GABRA2: variants seen among roughly 807,000 people sequenced by gnomAD.
GABRA2 encodes gamma-aminobutyric acid receptor subunit alpha-2.
GABRA2 carries 16 observed loss-of-function variants against 48.7 expected under a neutral mutation model. That is an observed-to-expected ratio of 0.33 (90% confidence interval 0.22 to 0.50). GABRA2 has a LOEUF of 0.50. GABRA2 is among the 20% of genes least tolerant of loss of function. GABRA2 has a pLI of 0.98. For missense variants in GABRA2, 275 were observed against 535.6 expected (o/e 0.51, Z 4.80); for synonymous variants, 185 against 184.5 (o/e 1.00, Z -0.02).
At chr4:46,388,494 C>T (rs991204452) in intron 2 of GABRA2, 142 bp downstream of exon 2, 2 of 949,406 alleles carry the variant, frequency 2.1e-6, no homozygotes, top group East Asian at 4.9e-5. Context: ...CAGTCTATTA[C>T]TTCATAGTTC....
At chr4:46,276,633 C>A (rs540273521) in intron 8 of GABRA2, among the ~76,000 whole-genome samples, 120 of 150,228 alleles carry the variant, frequency 8.0e-4, no homozygotes, top group Non-Finnish European at 5.6e-4. Context: ...AGTTTGATGT[C>A]ATAATGATGT....
intron 3 of GABRA2, 129 bp downstream of exon 3, chr4:46,385,945 T>A (rs1717389156): frequency 1.6e-6 from 1 of 612,890 alleles, no homozygotes; most frequent in African/African-American, 1.9e-5. Context: ...TATATCTTAC[T>A]TTCTATTTTC....
rs1715456606 is a variant in GABRA2, at chr4:46,374,885, C to T, written c.187+11189G>A. Among the ~76,000 whole-genome samples the T allele has an allele frequency of 2.0e-5, 3 of 151,710 alleles. No homozygotes were observed. In the South Asian group the frequency reaches 6.3e-4, roughly 32 times the overall value. On this transcript the variant is annotated intron_variant, in intron 3 of 9. Coordinates refer to ENST00000381620, the MANE Select transcript of GABRA2 (RefSeq NM_000807.4). Reference sequence around the variant, plus strand: ...TCCCTGAAACATTTTGCATTCACCCCCCTAATAAGTTTGTGACAATCTGAA... The same window carrying T: ...TCCCTGAAACATTTTGCATTCACCCTCCTAATAAGTTTGTGACAATCTGAA...
intron 4 of GABRA2, among the ~76,000 whole-genome samples, chr4:46,326,581 T>C (rs1191950290): frequency 2.0e-5 from 3 of 151,476 alleles, no homozygotes; most frequent in African/African-American, 7.3e-5. Context: ...CCACATTTGC[T>C]CCTTCTCAGT....
At chr4:46,356,981 GTTT>G (rs141407741) in intron 3 of GABRA2, among the ~76,000 whole-genome samples, 9 of 146,260 alleles carry the variant, frequency 6.2e-5, no homozygotes, top group Non-Finnish European at 1.4e-4. Context: ...TTCTGGGTTT[GTTT>G]TTTTTTTGTT....
intron 8 of GABRA2, among the ~76,000 whole-genome samples, chr4:46,296,662 AAAAAAG>A (rs1354436747): frequency 9.9e-5 from 15 of 151,236 alleles, no homozygotes; most frequent in African/African-American, 3.6e-4. Flanking sequence ...GGGGGAAAAA[AAAAAAG>A]AAAAAAAAAA....
At chr4:46,331,219 GT>G (rs1194742863) in intron 4 of GABRA2, among the ~76,000 whole-genome samples, 2 of 152,138 alleles carry the variant, frequency 1.3e-5, no homozygotes, top group Non-Finnish European at 2.9e-5. Context: ...TGACATTCCT[GT>G]TTCAAATAAT....
At chr4:46,318,555 T>C (rs1728925832) in intron 4 of GABRA2, among the ~76,000 whole-genome samples, 1 of 151,696 alleles carries the variant, frequency 6.6e-6, no homozygotes, top group Non-Finnish European at 1.5e-5. Flanking sequence ...GAAAAGTGCA[T>C]TTAAAATTAA....
intron 6 of GABRA2, among the ~76,000 whole-genome samples, chr4:46,309,621 A>G (rs1163697376): frequency 6.6e-6 from 1 of 152,006 alleles, no homozygotes; most frequent in African/African-American, 2.4e-5. Context: ...AGAAGAGCCA[A>G]CTGCACAGAC....
intron 8 of GABRA2, among the ~76,000 whole-genome samples, chr4:46,273,468 CATATATATATATATGCAT>C (rs1395971576): frequency 8.4e-4 from 36 of 43,032 alleles, no homozygotes; most frequent in East Asian, 5.3e-4. Flanking sequence ...CCATTCATTG[CATATATATATATATGCAT>C]ATATATATAT....
In GABRA2 at chr4:46,332,660, A is replaced by T; in HGVS notation, c.210T>A (p.Thr70=). ...GLGDSITEVF[T]NIYVTSFGPV... is the part of the protein sequence containing the mutation. ...GGCCAAAACTGGTCACGTAGATGTT[A>T]GTGAAGACTTCAGTAATACTGTCTA... Residue 70 remains threonine (T), a synonymous_variant, in exon 4 of 10, where the codon ACT becomes ACA. Transcript: ENST00000381620. 3 of 1,592,442 alleles carry T rather than the reference A, an allele frequency of 1.9e-6. No homozygotes were observed. The South Asian group carries it at 3.3e-5, about 18-fold the overall frequency.
At chr4:46,266,018 T>A (rs1264719524) in intron 8 of GABRA2, among the ~76,000 whole-genome samples, 1 of 151,806 alleles carries the variant, frequency 6.6e-6, no homozygotes, top group Non-Finnish European at 1.5e-5. Context: ...TCTATTGTGG[T>A]GTAAGAACAT....
chr4:46,350,847 T>A (rs560319635), intron 3 of GABRA2, among the ~76,000 whole-genome samples: 60 of 151,950 alleles, frequency 3.9e-4, no homozygotes, highest in African/African-American at 1.3e-3. Flanking sequence ...AAGAAATAAG[T>A]AGACAGATTA....
At chr4:46,339,258 A>T (rs555932016) in intron 3 of GABRA2, among the ~76,000 whole-genome samples, 3 of 152,012 alleles carry the variant, frequency 2.0e-5, no homozygotes, top group Non-Finnish European at 2.9e-5. Context: ...TTTGTTCCTT[A>T]GTACACTGGT....
chr4:46,376,406 A>T (rs2109331129), intron 3 of GABRA2, among the ~76,000 whole-genome samples: 1 of 152,306 alleles, frequency 6.6e-6, no homozygotes, highest in South Asian at 2.1e-4. Flanking sequence ...ACTGCATCTG[A>T]GCTGAAGTGC....
intron 3 of GABRA2, among the ~76,000 whole-genome samples, chr4:46,348,735 T>C (rs1734598680): frequency 8.3e-6 from 1 of 120,838 alleles, no homozygotes. Context: ...TGAGAACACA[T>C]GGACACAGGA....
At chr4:46,265,590 G>A (rs1718060934) in intron 8 of GABRA2, among the ~76,000 whole-genome samples, 1 of 149,596 alleles carries the variant, frequency 6.7e-6, no homozygotes, top group Non-Finnish European at 1.5e-5. Context: ...TGGTCATTGT[G>A]GCTAAAAGTA....
chr4:46,338,934 T>G (rs1255230621), intron 3 of GABRA2, among the ~76,000 whole-genome samples: 2 of 152,056 alleles, frequency 1.3e-5, no homozygotes, highest in South Asian at 2.1e-4. Context: ...CTCAGGCAGT[T>G]AAGATGAGAT....
intron 3 of GABRA2, among the ~76,000 whole-genome samples, chr4:46,381,475 C>T (rs1045324839): frequency 6.6e-6 from 1 of 152,108 alleles, no homozygotes; most frequent in Non-Finnish European, 1.5e-5. Flanking sequence ...AATAAGACTA[C>T]CAAATGCATA....
Sources: gnomAD v4.1 joint callset for allele counts (sites outside exome capture counted in the v4.1 genomes callset) on GRCh38, gnomAD v4.1.1 for gene constraint, MANE v1.5 for transcripts, NCBI Gene and HGNC (gene_info 2026-07-23, HGNC 2026-07-21) for gene names.